RELN: variants seen among roughly 807,000 people sequenced by gnomAD.
The protein encoded by RELN is reelin.
RELN carries 108 observed loss-of-function variants against 427.6 expected under a neutral mutation model. The ratio of observed to expected loss-of-function variants is 0.25; its 90% CI spans 0.22 to 0.30. The LOEUF is 0.30. Among genes scored for constraint, RELN ranks in the 10% least tolerant of loss-of-function variants. The pLI, the probability that RELN is intolerant of heterozygous loss-of-function variation, is 1.00. For synonymous variants in RELN, 1,524 were observed against 1,513.4 expected (o/e 1.01, Z -0.16); for missense variants, 3,715 against 4,302.8 (o/e 0.86, Z 3.82).
At position 103,544,561 on chromosome 7, in the gene RELN, A is replaced by G. The variant is rs182345019; in HGVS notation, c.6523+563T>C. ...TTTTAATCCCACTACCCTAATATAG[A>G]TGGCTATTATACTTAAGACTTTCTT... On this transcript the variant is annotated intron_variant, in intron 42 of 64. Coordinates refer to ENST00000428762, the MANE Select transcript of RELN (RefSeq NM_005045.4). Among the ~76,000 whole-genome samples, 72 of 152,200 alleles carry G rather than the reference A, an allele frequency of 4.7e-4. No individual in the cohort carries two copies. In the East Asian group the frequency reaches 0.013, roughly 28 times the overall value.
intron 48 of RELN, among the ~76,000 whole-genome samples, chr7:103,521,595 A>G (rs1190079998): frequency 6.6e-6 from 1 of 152,216 alleles, no homozygotes; most frequent in East Asian, 1.9e-4. Flanking sequence ...GGAGTTGTCA[A>G]TTAGAAGGGC....
chr7:103,624,331 C>T (rs981333341), intron 20 of RELN, among the ~76,000 whole-genome samples: 1 of 152,182 alleles, frequency 6.6e-6, no homozygotes, highest in Non-Finnish European at 1.5e-5. Context: ...TCGGGCTGAT[C>T]ACGCCACCTG....
intron 2 of RELN, among the ~76,000 whole-genome samples, chr7:103,851,979 G>A (rs572449886): frequency 1.3e-5 from 2 of 152,192 alleles, no homozygotes; most frequent in African/African-American, 4.8e-5. Context: ...TATGGAAATA[G>A]TTAGACTGCT....
intron 34 of RELN, 136 bp downstream of exon 34, chr7:103,565,142 C>CT (rs1252024910): frequency 4.5e-5 from 54 of 1,187,480 alleles, no homozygotes; most frequent in Non-Finnish European, 6.3e-5. Context: ...GCACCTTGCA[C>CT]TTTTTTTTCT....
chr7:103,683,493 G>C (rs757471388), intron 10 of RELN, among the ~76,000 whole-genome samples: 1 of 152,082 alleles, frequency 6.6e-6, no homozygotes, highest in African/African-American at 2.4e-5. Flanking sequence ...ATGACAGACC[G>C]CATATACAAT....
chr7:103,857,255 C>T (rs1793968646), intron 2 of RELN, among the ~76,000 whole-genome samples: 1 of 152,174 alleles, frequency 6.6e-6, no homozygotes, highest in Admixed American at 6.5e-5. Context: ...CTAGGGAAGA[C>T]CTCTATCTAA....
chr7:103,513,018 T>C (rs940541236), intron 50 of RELN: 2 of 152,216 alleles, frequency 1.3e-5, no homozygotes, highest in Admixed American at 6.5e-5. Context: ...TTCCATTATC[T>C]GTTTTTTTAC....
At chr7:103,478,488 C>T in intron 63 of RELN, 94 bp from the exon 64 acceptor site, 1 of 708,860 alleles carries the variant, frequency 1.4e-6, no homozygotes, top group East Asian at 2.6e-5. Context: ...TCATAAAAGT[C>T]TGATCAGGTT....
Position 103,888,848 on chromosome 7 carries a change from C to G in RELN, c.337+28227G>C, listed in dbSNP as rs549115397. Among the ~76,000 whole-genome samples, 17 of 152,304 alleles carry G rather than the reference C, an allele frequency of 1.1e-4. No individual in the cohort carries two copies. The South Asian group carries it at 3.1e-3, about 28-fold the overall frequency. Reference sequence around the variant, plus strand: ...CTACACAACACTGCGAGGCAGCACTCCGTTTCCCAGATCCCAACCACTTGC... The same window carrying G: ...CTACACAACACTGCGAGGCAGCACTGCGTTTCCCAGATCCCAACCACTTGC... On this transcript the variant is annotated intron_variant, in intron 2 of 64. Coordinates refer to ENST00000428762, the MANE Select transcript of RELN (RefSeq NM_005045.4).
chr7:103,949,072 TATATACACACATAC>T (rs1348008330), intron 1 of RELN, among the ~76,000 whole-genome samples: 4 of 147,746 alleles, frequency 2.7e-5, no homozygotes, highest in African/African-American at 7.6e-5. Flanking sequence ...TATGGGTATA[TATATACACACATAC>T]ATGCACACAC....
intron 2 of RELN, among the ~76,000 whole-genome samples, chr7:103,840,041 C>G (rs779153191): frequency 7.2e-5 from 11 of 152,196 alleles, no homozygotes; most frequent in Non-Finnish European, 1.5e-4. Flanking sequence ...TGAAAACATA[C>G]TTGCTTCCCC....
chr7:103,525,142 C>T, intron 46 of RELN, among the ~76,000 whole-genome samples: 1 of 152,136 alleles, frequency 6.6e-6, no homozygotes, highest in Middle Eastern at 3.2e-3. Flanking sequence ...CTTCCTCTCT[C>T]TCTTTCTGCC....
At position 103,932,333 on chromosome 7, in the gene RELN, T is replaced by G. The variant is rs577184482; in HGVS notation, c.227-15148A>C. 4.1e-4 allele frequency among the ~76,000 whole-genome samples: 63 copies of G among 152,256 alleles called. 1 individual carries two copies. In the South Asian group the frequency reaches 0.013, roughly 31 times the overall value. ...TTTTGACTTATAAGTGGGACCTAAA[T>G]GATGAGACCACATGAACACAAAGAT... On this transcript the variant is annotated intron_variant, in intron 1 of 64. Transcript: ENST00000428762.
At chr7:103,596,693 A>G (rs1197535090) in intron 24 of RELN, 32 bp from the exon 25 acceptor site, 6 of 1,585,734 alleles carry the variant, frequency 3.8e-6, no homozygotes, top group South Asian at 1.1e-5. Context: ...CAAATTCAGT[A>G]ATCTGGGAGT....
intron 16 of RELN, among the ~76,000 whole-genome samples, chr7:103,648,335 C>T (rs1440374410): frequency 2.0e-5 from 3 of 152,120 alleles, no homozygotes; most frequent in Non-Finnish European, 2.9e-5. Context: ...GTGCCTGCTT[C>T]CCTTTGGCCT....
chr7:103,761,730 A>G (rs965647591), intron 4 of RELN, among the ~76,000 whole-genome samples: 2 of 152,188 alleles, frequency 1.3e-5, no homozygotes, highest in African/African-American at 2.4e-5. Flanking sequence ...TGCTGGGATT[A>G]CAGGCGTGAG....
chr7:103,843,483 T>C (rs10279423), intron 2 of RELN, among the ~76,000 whole-genome samples: 21,396 of 152,092 alleles, frequency 0.14, 1,706 homozygotes, highest in East Asian at 0.29. Flanking sequence ...TAAATAGTAG[T>C]ACATTAGTTC....
intron 5 of RELN, among the ~76,000 whole-genome samples, chr7:103,749,908 G>A (rs970724858): frequency 6.6e-6 from 1 of 152,180 alleles, no homozygotes; most frequent in Non-Finnish European, 1.5e-5. Flanking sequence ...GGGACGGTGG[G>A]AGGTAATTGA....
chr7:103,725,630 C>T (rs530220666), intron 7 of RELN, among the ~76,000 whole-genome samples: 6 of 152,226 alleles, frequency 3.9e-5, no homozygotes, highest in African/African-American at 1.2e-4. Context: ...TAACATAACT[C>T]ATTTCATTTT....
Sources: allele counts gnomAD v4.1 joint callset (sites outside exome capture counted in the v4.1 genomes callset), GRCh38; gene constraint gnomAD v4.1.1; transcripts MANE v1.5; gene names NCBI Gene and HGNC (gene_info 2026-07-23, HGNC 2026-07-21).